The following ARHGEF28 variants were observed in gnomAD, a reference collection of about 807,000 sequenced individuals.
ARHGEF28 encodes 190 kDa guanine nucleotide exchange factor.
ARHGEF28 carries 152 observed loss-of-function variants against 206.6 expected under a neutral mutation model. That is an observed-to-expected ratio of 0.74 (90% CI 0.64 to 0.84). The LOEUF (loss-of-function observed/expected upper bound fraction) is 0.84, where lower values mean the gene tolerates loss of function less well. ARHGEF28 is among the 40% of genes least tolerant of loss of function. The pLI is 0.00. For missense variants in ARHGEF28, 2,028 were observed against 2,073.2 expected (o/e 0.98, Z 0.42); for synonymous variants, 763 against 776.4 (o/e 0.98, Z 0.29).
rs1465114879 is a variant in ARHGEF28, at chr5:73,882,499, A to C, written c.2842A>C (p.Lys948Gln). 6.8e-7 allele frequency: 1 copy of C among 1,465,542 alleles called. No individual in the cohort carries two copies. The highest frequency in any genetic ancestry group is 9.2e-7 in the Non-Finnish European group (1 of 1,090,862). 90.8% of individuals were successfully genotyped at this position (1,465,542 alleles called of 1,614,324 possible). ...TTCAGAAGAAAATGCAAGTAAAATG[A>C]AGAAAATATATGGAGAATTCTGTTG... ...QFSEENASKM[K>Q]KIYGEFCCHH... The change falls in exon 23 of 36, where the codon AAG becomes CAG. Residue 948 changes from lysine (K) to glutamine (Q), a missense_variant. By Grantham distance (53) the Lys-to-Gln change is moderately conservative (BLOSUM62 1). Around this residue, in one of 3 missense-constraint regions of ARHGEF28, gnomAD observed 223 missense variants for 289.9 expected, o/e 0.77. Transcript: ENST00000513042.
At chr5:73,894,708 C>T (rs1363548314) in intron 29 of ARHGEF28, 133 bp downstream of exon 29, 4 of 1,112,746 alleles carry the variant, frequency 3.6e-6, no homozygotes, top group African/African-American at 1.6e-5. Flanking sequence ...TCGGCTGGAA[C>T]TTATATTTCT....
At chr5:73,835,485 C>A (rs1197550909) in intron 10 of ARHGEF28, among the ~76,000 whole-genome samples, 4 of 141,048 alleles carry the variant, frequency 2.8e-5, no homozygotes, top group Admixed American at 7.0e-5. Flanking sequence ...AAAAAAAAAA[C>A]CCAAAAGGAC....
chr5:73,856,228 A>G (rs906630876), intron 14 of ARHGEF28, among the ~76,000 whole-genome samples: 1 of 152,240 alleles, frequency 6.6e-6, no homozygotes, highest in Non-Finnish European at 1.5e-5. Context: ...TATCCTAGGT[A>G]AAAATGACTA....
intron 1 of ARHGEF28, among the ~76,000 whole-genome samples, chr5:73,646,366 C>T (rs1744423513): frequency 6.6e-6 from 1 of 152,178 alleles, no homozygotes; most frequent in African/African-American, 2.4e-5. Context: ...GCTGTTCCCT[C>T]CTTGAGTAGG....
chr5:73,810,554 T>C (rs1292029685), intron 9 of ARHGEF28, among the ~76,000 whole-genome samples: 3 of 152,160 alleles, frequency 2.0e-5, no homozygotes, highest in Non-Finnish European at 4.4e-5. Flanking sequence ...CTTGCTGATG[T>C]GGGGTTTATC....
At chr5:73,878,735 GA>G (rs1362519674) in intron 22 of ARHGEF28, among the ~76,000 whole-genome samples, 1 of 150,980 alleles carries the variant, frequency 6.6e-6, no homozygotes, top group Admixed American at 6.6e-5. Context: ...TTTTCTTTAA[GA>G]ATGTTGAATA....
intron 9 of ARHGEF28, among the ~76,000 whole-genome samples, chr5:73,807,282 A>G (rs775604161): frequency 6.6e-6 from 1 of 152,060 alleles, no homozygotes; most frequent in South Asian, 2.1e-4. Flanking sequence ...CCAAAATTCC[A>G]TATGATTTAT....
At chr5:73,799,002 C>A (rs979560505) in intron 9 of ARHGEF28, among the ~76,000 whole-genome samples, 1 of 152,190 alleles carries the variant, frequency 6.6e-6, no homozygotes. Flanking sequence ...AGGACAATGG[C>A]TTGAACCTGG....
chr5:73,784,474 T>G (rs1412122944), intron 7 of ARHGEF28, among the ~76,000 whole-genome samples: 1 of 152,244 alleles, frequency 6.6e-6, no homozygotes, highest in Non-Finnish European at 1.5e-5. Flanking sequence ...ATAAGCTAAT[T>G]ATTAGTATTA....
At chr5:73,825,995 T>G (rs924029023) in intron 9 of ARHGEF28, among the ~76,000 whole-genome samples, 2 of 150,624 alleles carry the variant, frequency 1.3e-5, no homozygotes, top group African/African-American at 2.4e-5. Flanking sequence ...AAGGGAAGAG[T>G]GGAGAGAGTG....
At chr5:73,811,444 T>A (rs1755829892) in intron 9 of ARHGEF28, among the ~76,000 whole-genome samples, 1 of 152,224 alleles carries the variant, frequency 6.6e-6, no homozygotes, top group South Asian at 2.1e-4. Context: ...AGGGTAAAGG[T>A]CATTGACATG....
At chr5:73,641,749 A>G (rs1383565894) in intron 1 of ARHGEF28, among the ~76,000 whole-genome samples, 1 of 152,208 alleles carries the variant, frequency 6.6e-6, no homozygotes, top group Non-Finnish European at 1.5e-5. Flanking sequence ...CAGTCCCTGC[A>G]GCATTTGAGG....
At chr5:73,684,647 C>G (rs1580479568) in intron 1 of ARHGEF28, among the ~76,000 whole-genome samples, 194 bp from the exon 2 acceptor site, 2 of 152,268 alleles carry the variant, frequency 1.3e-5, no homozygotes, top group South Asian at 2.1e-4. Context: ...GAGGGGCCAT[C>G]ATATTGTGTT....
At chr5:73,635,508 G>A (rs192215431) in intron 1 of ARHGEF28, among the ~76,000 whole-genome samples, 6 of 152,198 alleles carry the variant, frequency 3.9e-5, no homozygotes, top group Admixed American at 1.3e-4. Flanking sequence ...GACTTTGGTT[G>A]TTTCTATAAA....
Position 73,776,468 on chromosome 5 carries a change from G to A in ARHGEF28, c.660-48G>A, listed in dbSNP as rs1015206970. Reference sequence around the variant, plus strand: ...TGATCCTAAGGGCTGGGATCCTGGGGCTGGTGTCTTTGAAGCTCTGTGTGG... The same window carrying A: ...TGATCCTAAGGGCTGGGATCCTGGGACTGGTGTCTTTGAAGCTCTGTGTGG... On this transcript the variant is annotated intron_variant, in intron 5 of 35. Coordinates refer to ENST00000513042, the MANE Select transcript of ARHGEF28 (RefSeq NM_001177693.2). The A allele has an allele frequency of 2.6e-6, 4 of 1,527,710 alleles. No individual in the cohort carries two copies. In the East Asian group the frequency reaches 9.1e-5, roughly 35 times the overall value. 94.6% of individuals were successfully genotyped at this position (1,527,710 alleles called of 1,614,324 possible). A position where few individuals can be genotyped will look rare whatever the true frequency, so the allele number is the denominator to read the frequency against.
intron 1 of ARHGEF28, among the ~76,000 whole-genome samples, chr5:73,632,714 C>A (rs780481202): frequency 6.6e-6 from 1 of 152,092 alleles, no homozygotes; most frequent in Admixed American, 6.5e-5. Context: ...GATTTTGAAT[C>A]CTTTCACAAA....
chr5:73,774,161 C>CAT, intron 5 of ARHGEF28, 123 bp downstream of exon 5: 1 of 817,156 alleles, frequency 1.2e-6, no homozygotes, highest in Non-Finnish European at 1.8e-6. Context: ...AGCTCTCATG[C>CAT]ATATATATAG....
intron 31 of ARHGEF28, 42 bp downstream of exon 31, chr5:73,901,326 TGTATAATAAAATAGCCTCAG>T: frequency 6.5e-7 from 1 of 1,536,128 alleles, no homozygotes; most frequent in South Asian, 1.2e-5. Flanking sequence ...GCGGTTACTG[TGTATAATAAAATAGCCTCAG>T]GTTCTGGTCT....
At chr5:73,748,772 G>A (rs1461201938) in intron 2 of ARHGEF28, among the ~76,000 whole-genome samples, 1 of 152,094 alleles carries the variant, frequency 6.6e-6, no homozygotes, top group African/African-American at 2.4e-5. Context: ...CCATTTCCCC[G>A]CCACTCCCAC....
Sources: gnomAD v4.1 joint callset for allele counts (sites outside exome capture counted in the v4.1 genomes callset) on GRCh38, gnomAD v4.1.1 for gene constraint, gnomAD v4.1.1 regional missense constraint, MANE v1.5 for transcripts, NCBI Gene and HGNC (gene_info 2026-07-23, HGNC 2026-07-21) for gene names.